FRRS1: variants seen among roughly 807,000 people sequenced by gnomAD.
FRRS1 encodes ferric chelate reductase 1, also known as ferric reductase 1.
In FRRS1, 51 loss-of-function variants were observed where a neutral mutation model predicts 70.7. The ratio of observed to expected loss-of-function variants is 0.72; its 90% CI spans 0.58 to 0.91. The LOEUF is 0.91. Ranked by LOEUF, FRRS1 falls within the 40% of genes least tolerant of loss-of-function variation. The pLI, the probability that FRRS1 is intolerant of heterozygous loss-of-function variation, is 0.00. For missense variants in FRRS1, 672 were observed against 726.0 expected (o/e 0.93, Z 0.86); for synonymous variants, 225 against 238.7 (o/e 0.94, Z 0.53).
chr1:99,709,142 G>GAA, intron 16 of FRRS1, 22 bp from the exon 17 acceptor site: 2 of 1,485,836 alleles, frequency 1.3e-6, no homozygotes, highest in South Asian at 1.2e-5. Context: ...ATTGAGATAT[G>GAA]AAAAAAAAAA....
At chr1:99,765,953 G>A (rs1657335773) in intron 1 of FRRS1, among the ~76,000 whole-genome samples, 1 of 151,918 alleles carries the variant, frequency 6.6e-6, no homozygotes, top group African/African-American at 2.4e-5. Context: ...TAAAAATACA[G>A]AAGCAAATGA....
At chr1:99,737,360 G>C (rs1258872795) in intron 7 of FRRS1, among the ~76,000 whole-genome samples, 1 of 152,130 alleles carries the variant, frequency 6.6e-6, no homozygotes, top group Admixed American at 6.5e-5. Flanking sequence ...TCTCTTTTTA[G>C]GAAAGGCACT....
At chr1:99,754,708 A>C (rs1225013495) in intron 1 of FRRS1, among the ~76,000 whole-genome samples, 2 of 152,252 alleles carry the variant, frequency 1.3e-5, no homozygotes, top group South Asian at 2.1e-4. Context: ...GATACAACTT[A>C]ATAAATTTAA....
At chr1:99,752,610 T>C (rs753829676) in intron 1 of FRRS1, among the ~76,000 whole-genome samples, 2 of 152,180 alleles carry the variant, frequency 1.3e-5, no homozygotes, top group South Asian at 2.1e-4. Flanking sequence ...TGAAAAAGTT[T>C]AGAAACTTGC....
chr1:99,758,945 T>A (rs1456721643), intron 1 of FRRS1, among the ~76,000 whole-genome samples: 4 of 152,126 alleles, frequency 2.6e-5, no homozygotes, highest in African/African-American at 9.7e-5. Flanking sequence ...ACCCTCAGAA[T>A]TACTAGGTTG....
At position 99,736,906 on chromosome 1, in the gene FRRS1, A is replaced by T. The variant is rs543868664; in HGVS notation, c.759+1180T>A. Among the ~76,000 whole-genome samples the T allele has an allele frequency of 5.2e-3, 789 of 151,432 alleles. 7 individuals carry two copies. The Middle Eastern group carries it at 0.091, about 17-fold the overall frequency. ...CAAACACTGCTCCAGGACCAATGTG[A>T]TCAAGTGCACTTTCAGGACGAGCAT... On this transcript the variant is annotated intron_variant, in intron 7 of 16. Coordinates refer to ENST00000646001, the MANE Select transcript of FRRS1 (RefSeq NM_001361041.2).
intron 7 of FRRS1, among the ~76,000 whole-genome samples, chr1:99,735,378 C>T (rs890808795): frequency 2.6e-5 from 4 of 152,100 alleles, no homozygotes; most frequent in East Asian, 3.8e-4. Context: ...TAATTGCTAA[C>T]ATTAATTTAC....
intron 1 of FRRS1, among the ~76,000 whole-genome samples, chr1:99,759,398 C>T (rs562377608): frequency 7.9e-5 from 12 of 152,256 alleles, no homozygotes; most frequent in Admixed American, 1.3e-4. Flanking sequence ...ATATTGGGGG[C>T]GGGTTCCTCC....
intron 15 of FRRS1, among the ~76,000 whole-genome samples, 153 bp downstream of exon 15, chr1:99,710,653 C>T (rs564540900): frequency 3.9e-4 from 60 of 152,272 alleles, no homozygotes; most frequent in African/African-American, 1.4e-3. Context: ...AAAACAAAGG[C>T]AGAAAATCAC....
At chr1:99,725,189 C>G (rs1180178322) in intron 9 of FRRS1, among the ~76,000 whole-genome samples, 1 of 152,198 alleles carries the variant, frequency 6.6e-6, no homozygotes, top group African/African-American at 2.4e-5. Flanking sequence ...TCTGACAGGA[C>G]AGTAATGCTC....
At position 99,708,412 on chromosome 1, in the gene FRRS1, T is replaced by C. The variant is rs992872066; in HGVS notation, c.*616A>G. The stretch of plus-strand genomic sequence containing the variant: ...CAGGAGATCGAGACCATCCTGTGAA[T>C]GGTGAAACCCTGTCTCTACTAAAAA... On this transcript the variant is annotated 3_prime_UTR_variant, in exon 17 of 17. Transcript: ENST00000646001. 1.3e-5 allele frequency among the ~76,000 whole-genome samples: 2 copies of C among 151,374 alleles called. No homozygotes were observed. The highest frequency in any genetic ancestry group is 4.9e-5 in the African/African-American group (2 of 41,198).
At chr1:99,746,501 G>GA (rs563866044) in intron 4 of FRRS1, among the ~76,000 whole-genome samples, 15 of 151,768 alleles carry the variant, frequency 9.9e-5, no homozygotes, top group African/African-American at 3.4e-4. Context: ...TGTGAATATG[G>GA]AAAAAAAAGG....
intron 1 of FRRS1, among the ~76,000 whole-genome samples, chr1:99,755,905 T>C (rs1413909209): frequency 3.9e-5 from 6 of 152,252 alleles, no homozygotes; most frequent in Non-Finnish European, 8.8e-5. Flanking sequence ...GGCAACTTCT[T>C]TGTCCTCTGT....
chr1:99,753,611 T>C (rs1367481973), intron 1 of FRRS1, among the ~76,000 whole-genome samples: 3 of 150,704 alleles, frequency 2.0e-5, no homozygotes, highest in Non-Finnish European at 2.9e-5. Context: ...ACTAAAAAAA[T>C]ACAAAAAAAA....
chr1:99,710,992 C>G (rs370734114), intron 14 of FRRS1, 43 bp from the exon 15 acceptor site: 141 of 1,551,502 alleles, frequency 9.1e-5, no homozygotes, highest in Non-Finnish European at 1.2e-4. Flanking sequence ...GTAGTCCCAC[C>G]AAGAGAGACA....
At chr1:99,737,884 A>C (rs1160259625) in intron 7 of FRRS1, among the ~76,000 whole-genome samples, 4 of 151,876 alleles carry the variant, frequency 2.6e-5, no homozygotes, top group Non-Finnish European at 5.9e-5. Flanking sequence ...CCGGGATTAC[A>C]AGCGCCCGCC....
intron 7 of FRRS1, among the ~76,000 whole-genome samples, chr1:99,736,252 T>C (rs1204592422): frequency 6.6e-6 from 1 of 152,072 alleles, no homozygotes; most frequent in African/African-American, 2.4e-5. Context: ...CAAAAGGAAG[T>C]GGGGAAGATG....
In FRRS1 at chr1:99,731,860, C is replaced by T. The variant is rs539864481; in HGVS notation, c.760-2112G>A. ...TTTTTTAAAAAAGTAGAGATGGATT[C>T]TCGCCCTGTTGCCCAGGCTGGTCTT... On this transcript the variant is annotated intron_variant, in intron 7 of 16. Coordinates refer to ENST00000646001, the MANE Select transcript of FRRS1 (RefSeq NM_001361041.2). Among the ~76,000 whole-genome samples the T allele has an allele frequency of 9.9e-5, 15 of 152,256 alleles. No homozygotes were observed. The South Asian group carries it at 3.1e-3, about 32-fold the overall frequency.
At chr1:99,748,070 TTA>T (rs1197155876) in intron 3 of FRRS1, 1 of 154,620 alleles carries the variant, frequency 6.5e-6, no homozygotes, top group Admixed American at 6.5e-5. Context: ...CTAAGGTATA[TTA>T]TATATCACAC....
Sources: allele counts gnomAD v4.1 joint callset (sites outside exome capture counted in the v4.1 genomes callset), GRCh38; gene constraint gnomAD v4.1.1; transcripts MANE v1.5; gene names NCBI Gene and HGNC (gene_info 2026-07-23, HGNC 2026-07-21).